Variants in STK3 observed in about 807,000 individuals in gnomAD.
STK3 encodes the protein serine/threonine kinase 3.
Under a neutral mutation model 58.0 loss-of-function variants are expected in STK3, and 41 were observed. The ratio of observed to expected loss-of-function variants is 0.71; its 90% CI spans 0.55 to 0.92. The LOEUF is 0.92. Ranked by LOEUF, STK3 falls within the 40% of genes least tolerant of loss-of-function variation. STK3 has a pLI of 0.00. For synonymous variants in STK3, 170 were observed against 191.0 expected (o/e 0.89, Z 0.91); for missense variants, 479 against 602.7 (o/e 0.79, Z 2.15).
At chr8:98,803,570 G>A (rs1443240374) in intron 1 of STK3, among the ~76,000 whole-genome samples, 2 of 143,620 alleles carry the variant, frequency 1.4e-5, no homozygotes, top group Non-Finnish European at 3.0e-5. Context: ...CTCCAGCCTG[G>A]GCAACAGAGT....
chr8:98,721,143 GAA>G (rs1259367676), intron 4 of STK3: 1 of 982,400 alleles, frequency 1.0e-6, no homozygotes, highest in Non-Finnish European at 1.2e-6. Context: ...GCATTTTATT[GAA>G]AACAGATGCT....
intron 1 of STK3, among the ~76,000 whole-genome samples, chr8:98,811,721 A>C (rs561042502): frequency 6.6e-6 from 1 of 152,336 alleles, no homozygotes; most frequent in Non-Finnish European, 1.5e-5. Context: ...GCATTTTCTA[A>C]ATTATACATT....
intron 3 of STK3, among the ~76,000 whole-genome samples, chr8:98,847,346 G>T (rs557413814): frequency 7.9e-5 from 12 of 152,342 alleles, no homozygotes; most frequent in Middle Eastern, 6.8e-3. Context: ...GAAAAAGTAA[G>T]GAGTCTGCCC....
At chr8:98,382,019 C>T (rs767769635) in intron 1 of STK3, among the ~76,000 whole-genome samples, 1 of 152,130 alleles carries the variant, frequency 6.6e-6, no homozygotes, top group African/African-American at 2.4e-5. Flanking sequence ...AAATTTTGTG[C>T]CCAAGAGATT....
At chr8:98,395,251 T>C (rs570044953) in intron 3 of STK3, among the ~76,000 whole-genome samples, 2 of 152,098 alleles carry the variant, frequency 1.3e-5, no homozygotes, top group Non-Finnish European at 2.9e-5. Flanking sequence ...AAAAAAACTA[T>C]CAATGTTGCA....
intron 3 of STK3, among the ~76,000 whole-genome samples, chr8:98,861,627 C>T (rs908488483): frequency 3.3e-5 from 5 of 152,076 alleles, no homozygotes; most frequent in African/African-American, 7.2e-5. Flanking sequence ...GGATTACAGG[C>T]GTGAGCCACC....
intron 3 of STK3, among the ~76,000 whole-genome samples, chr8:98,416,364 GTTTTTTTTTTTT>G (rs57447680): frequency 5.0e-5 from 4 of 79,532 alleles, no homozygotes; most frequent in African/African-American, 2.0e-4. Flanking sequence ...GTTTGAAACT[GTTTTTTTTTTTT>G]TTTTTTTTTT....
At chr8:98,359,102 G>C in the STK3 span, among the ~76,000 whole-genome samples, 1 of 151,976 alleles carries the variant, frequency 6.6e-6, no homozygotes, top group Non-Finnish European at 1.5e-5. Flanking sequence ...AGCTCCCAGG[G>C]GCAAGAACTG....
chr8:98,374,943 T>C (rs1817657199), intron 2 of STK3, among the ~76,000 whole-genome samples: 1 of 152,054 alleles, frequency 6.6e-6, no homozygotes, highest in Non-Finnish European at 1.5e-5. Context: ...AATTTTTTTA[T>C]TTTCAAAATT....
chr8:98,866,807 G>T (rs984841684), intron 3 of STK3, among the ~76,000 whole-genome samples: 1 of 152,210 alleles, frequency 6.6e-6, no homozygotes, highest in Non-Finnish European at 1.5e-5. Context: ...ACCGGTAGCT[G>T]GTCCTTCAGA....
chr8:98,472,534 C>G (rs1399486891), intron 10 of STK3, among the ~76,000 whole-genome samples: 3 of 152,072 alleles, frequency 2.0e-5, no homozygotes, highest in Non-Finnish European at 2.9e-5. Flanking sequence ...TCACATGAAC[C>G]TCAAAATAAT....
intron 9 of STK3, among the ~76,000 whole-genome samples, chr8:98,533,511 G>A (rs1809494410): frequency 6.6e-6 from 1 of 152,012 alleles, no homozygotes; most frequent in Non-Finnish European, 1.5e-5. Context: ...TGCCTGACAG[G>A]GTCTCTCCTT....
At chr8:98,937,678 G>C (rs1587873636) in intron 1 of STK3, among the ~76,000 whole-genome samples, 1 of 152,204 alleles carries the variant, frequency 6.6e-6, no homozygotes, top group Non-Finnish European at 1.5e-5. Flanking sequence ...AAAAGGAATT[G>C]TATGTGCCTT....
intron 1 of STK3, among the ~76,000 whole-genome samples, chr8:98,790,792 G>T (rs991710358): frequency 6.6e-6 from 1 of 152,162 alleles, no homozygotes; most frequent in Non-Finnish European, 1.5e-5. Context: ...AGATCAGCCT[G>T]GCCAACATAG....
intron 3 of STK3, among the ~76,000 whole-genome samples, chr8:98,759,262 G>C (rs1199656407): frequency 6.6e-6 from 1 of 152,048 alleles, no homozygotes; most frequent in East Asian, 1.9e-4. Flanking sequence ...CCTTTCACTT[G>C]AACCCTTACG....
chr8:98,871,825 A>G (rs1837390991), intron 3 of STK3, among the ~76,000 whole-genome samples: 1 of 152,082 alleles, frequency 6.6e-6, no homozygotes, highest in Non-Finnish European at 1.5e-5. Flanking sequence ...CTACTTGAAT[A>G]CCCTTTATTT....
chr8:98,361,344 A>G, the STK3 span, among the ~76,000 whole-genome samples: 2 of 152,178 alleles, frequency 1.3e-5, no homozygotes, highest in African/African-American at 4.8e-5. Flanking sequence ...ACCCCCATAT[A>G]TATATATTAT....
At chr8:98,462,248 T>C (rs1451308215) in intron 10 of STK3, among the ~76,000 whole-genome samples, 1 of 151,610 alleles carries the variant, frequency 6.6e-6, no homozygotes, top group African/African-American at 2.4e-5. Context: ...TGCAGTGGTG[T>C]GATCTCGGCT....
chr8:98,594,403 C>A (rs910159094), intron 7 of STK3, among the ~76,000 whole-genome samples: 3 of 151,902 alleles, frequency 2.0e-5, no homozygotes, highest in African/African-American at 7.3e-5. Context: ...AGTTTGATAC[C>A]AGCCTGATCA....
Sources: gnomAD v4.1 joint callset for allele counts (sites outside exome capture counted in the v4.1 genomes callset) on GRCh38, gnomAD v4.1.1 for gene constraint, MANE v1.5 for transcripts, NCBI Gene and HGNC (gene_info 2026-07-23, HGNC 2026-07-21) for gene names.